Variants in SEMA5B observed in about 807,000 individuals in gnomAD.
The protein encoded by SEMA5B is semaphorin 5B.
A neutral mutation model predicts 135.0 loss-of-function variants in SEMA5B; 66 were observed. The observed-to-expected ratio is 0.49, with a 90% CI of 0.40 to 0.60. SEMA5B has a LOEUF of 0.60. SEMA5B is among the 20% of genes least tolerant of loss of function. The pLI is 0.00. For synonymous variants in SEMA5B, 690 were observed against 639.5 expected, an observed-to-expected ratio of 1.08 and a Z score of -1.19; for missense variants, 1,501 against 1,566.3, an observed-to-expected ratio of 0.96 and a Z score of 0.70.
At chr3:122,968,179 G>T (rs1940954447) in intron 1 of SEMA5B, among the ~76,000 whole-genome samples, 1 of 152,244 alleles carries the variant, frequency 6.6e-6, no homozygotes, top group African/African-American at 2.4e-5. Flanking sequence ...TAGGCTCAGA[G>T]ACTCACAGAG....
intron 1 of SEMA5B, among the ~76,000 whole-genome samples, chr3:122,983,278 GT>G (rs1225782734): frequency 6.6e-6 from 1 of 151,816 alleles, no homozygotes. Context: ...GGGGGGTTTT[GT>G]TTCATTTTTT....
intron 12 of SEMA5B, among the ~76,000 whole-genome samples, chr3:122,916,419 C>T (rs1184034815): frequency 3.9e-5 from 6 of 152,180 alleles, no homozygotes; most frequent in Admixed American, 1.3e-4. Context: ...TACCAATACC[C>T]GAGCCCACCC....
At chr3:122,912,728 C>T (rs1158972902) in intron 18 of SEMA5B, 115 bp downstream of exon 18, 3 of 1,040,314 alleles carry the variant, frequency 2.9e-6, no homozygotes, top group Non-Finnish European at 4.2e-6. Context: ...ACAGAGTTGG[C>T]AGGGAGAAGG....
intron 1 of SEMA5B, among the ~76,000 whole-genome samples, chr3:123,020,996 A>C (rs1942662254): frequency 6.6e-6 from 1 of 152,214 alleles, no homozygotes; most frequent in Non-Finnish European, 1.5e-5. Flanking sequence ...ATGTAGAAAC[A>C]TTACCCTCAG....
At chr3:122,966,554 A>ATTT (rs1335935235) in intron 1 of SEMA5B, among the ~76,000 whole-genome samples, 2 of 147,072 alleles carry the variant, frequency 1.4e-5, no homozygotes, top group African/African-American at 5.2e-5. Context: ...TATTATTATT[A>ATTT]TTATTATTAT....
At chr3:122,956,813 G>A (rs569971995) in intron 2 of SEMA5B, among the ~76,000 whole-genome samples, 7 of 152,278 alleles carry the variant, frequency 4.6e-5, no homozygotes, top group African/African-American at 1.4e-4. Context: ...GTAGAGCAGC[G>A]GGAAGCAGCT....
chr3:122,949,260 CT>C (rs1349723321), intron 2 of SEMA5B, among the ~76,000 whole-genome samples: 5 of 152,144 alleles, frequency 3.3e-5, no homozygotes, highest in African/African-American at 1.2e-4. Context: ...AACACCTGCA[CT>C]TCCCCCTCCT....
chr3:122,910,385 C>T (rs1937625143), intron 22 of SEMA5B, 84 bp from the exon 23 acceptor site: 1 of 1,441,212 alleles, frequency 6.9e-7, no homozygotes, highest in Non-Finnish European at 9.6e-7. Flanking sequence ...GTCCAGAAGC[C>T]AGCCGTGCAA....
chr3:122,981,091 A>G (rs1941507612), intron 1 of SEMA5B, among the ~76,000 whole-genome samples: 1 of 152,246 alleles, frequency 6.6e-6, no homozygotes, highest in South Asian at 2.1e-4. Flanking sequence ...GTGGGCATGA[A>G]CACACACTTG....
At chr3:122,953,241 G>T (rs1292511575) in intron 2 of SEMA5B, among the ~76,000 whole-genome samples, 1 of 151,922 alleles carries the variant, frequency 6.6e-6, no homozygotes, top group Non-Finnish European at 1.5e-5. Flanking sequence ...GCTAACCTGT[G>T]CTCCCTTCCC....
chr3:122,962,644 G>A (rs1940637138), intron 1 of SEMA5B, among the ~76,000 whole-genome samples: 1 of 152,240 alleles, frequency 6.6e-6, no homozygotes, highest in Non-Finnish European at 1.5e-5. Flanking sequence ...GTTCCACTGT[G>A]TTCCTAAAAT....
At chr3:122,923,355 C>T (rs550180342) in intron 10 of SEMA5B, among the ~76,000 whole-genome samples, 163 of 152,366 alleles carry the variant, frequency 1.1e-3, no homozygotes, top group African/African-American at 3.8e-3. Context: ...TGAGGTCCCA[C>T]TTCCCTGCCT....
chr3:122,980,471 A>G (rs1202643513), intron 1 of SEMA5B, among the ~76,000 whole-genome samples: 2 of 151,770 alleles, frequency 1.3e-5, no homozygotes, highest in African/African-American at 2.4e-5. Context: ...AAAAAAAAAA[A>G]AAAAAAGGAC....
At chr3:122,994,636 C>T (rs1353376232) in intron 1 of SEMA5B, among the ~76,000 whole-genome samples, 2 of 152,138 alleles carry the variant, frequency 1.3e-5, no homozygotes, top group African/African-American at 4.8e-5. Context: ...ATTGGCTTGA[C>T]CATGAGAGGT....
chr3:122,970,208 G>A (rs1037172812), intron 1 of SEMA5B, among the ~76,000 whole-genome samples: 1 of 152,198 alleles, frequency 6.6e-6, no homozygotes, highest in African/African-American at 2.4e-5. Flanking sequence ...CTTCAGGAGG[G>A]CACCATCACT....
chr3:122,994,420 G>A (rs1941973886), intron 1 of SEMA5B, among the ~76,000 whole-genome samples: 1 of 152,166 alleles, frequency 6.6e-6, no homozygotes, highest in Non-Finnish European at 1.5e-5. Flanking sequence ...GGTTCTCAAC[G>A]AGTACAAAAG....
intron 1 of SEMA5B, among the ~76,000 whole-genome samples, chr3:122,987,238 G>A (rs1046049104): frequency 6.6e-6 from 1 of 152,136 alleles, no homozygotes; most frequent in Admixed American, 6.5e-5. Context: ...AGGTGGAGGG[G>A]GGAATCTACT....
chr3:122,958,954 T>G (rs536804988), intron 2 of SEMA5B, among the ~76,000 whole-genome samples: 3 of 152,128 alleles, frequency 2.0e-5, no homozygotes, highest in South Asian at 4.2e-4. Context: ...CCCACATCCC[T>G]CCAGCTGCAA....
At chr3:122,998,266 T>C (rs1942077131) in intron 1 of SEMA5B, among the ~76,000 whole-genome samples, 3 of 151,970 alleles carry the variant, frequency 2.0e-5, no homozygotes, top group Admixed American at 2.0e-4. Flanking sequence ...CACTCTGGGG[T>C]CGCTCACTCA....
Sources: allele counts gnomAD v4.1 joint callset (sites outside exome capture counted in the v4.1 genomes callset), GRCh38; gene constraint gnomAD v4.1.1; transcripts MANE v1.5; gene names NCBI Gene and HGNC (gene_info 2026-07-23, HGNC 2026-07-21).